The following RABGAP1L variants were observed in gnomAD, a reference collection of about 807,000 sequenced individuals.
RABGAP1L encodes rab GTPase-activating protein 1-like.
A neutral mutation model predicts 137.7 loss-of-function variants in RABGAP1L; 63 were observed. That is an observed-to-expected ratio of 0.46 (90% CI 0.37 to 0.56). The LOEUF (loss-of-function observed/expected upper bound fraction) is 0.56. RABGAP1L is among the 20% of genes least tolerant of loss of function. The probability of loss-of-function intolerance (pLI) is 0.00; values close to 1 mark genes in which losing one functional copy is unlikely to be tolerated. For missense variants in RABGAP1L, 1,095 were observed against 1,244.0 expected (o/e 0.88, Z 1.80); for synonymous variants, 431 against 433.7 (o/e 0.99, Z 0.08).
At chr1:174,784,226 A>G (rs552414704) in intron 18 of RABGAP1L, among the ~76,000 whole-genome samples, 9 of 151,500 alleles carry the variant, frequency 5.9e-5, no homozygotes, top group African/African-American at 2.2e-4. Context: ...TCACCGTGTT[A>G]GCCAGGATGG....
At chr1:174,932,670 C>G (rs1379969443) in intron 19 of RABGAP1L, among the ~76,000 whole-genome samples, 1 of 152,078 alleles carries the variant, frequency 6.6e-6, no homozygotes, top group Non-Finnish European at 1.5e-5. Context: ...ATATAAATAT[C>G]CAATTCCTAA....
intron 13 of RABGAP1L, among the ~76,000 whole-genome samples, chr1:174,453,736 G>C (rs1422120990): frequency 6.6e-6 from 1 of 152,188 alleles, no homozygotes; most frequent in Non-Finnish European, 1.5e-5. Context: ...AAAATTGCTA[G>C]AGTAGAGAAA....
chr1:174,498,034 T>A (rs1404200130), intron 13 of RABGAP1L, among the ~76,000 whole-genome samples: 6 of 152,228 alleles, frequency 3.9e-5, no homozygotes, highest in Non-Finnish European at 5.9e-5. Flanking sequence ...TAGAGGCTTA[T>A]TTTAAAACAA....
intron 13 of RABGAP1L, among the ~76,000 whole-genome samples, chr1:174,540,783 T>C (rs1665334564): frequency 6.6e-6 from 1 of 152,342 alleles, no homozygotes. Flanking sequence ...GTGGGTTCTT[T>C]TTTGGTTGCA....
chr1:174,914,322 C>T (rs1013435004), intron 19 of RABGAP1L, among the ~76,000 whole-genome samples: 4 of 152,152 alleles, frequency 2.6e-5, no homozygotes, highest in Admixed American at 6.6e-5. Context: ...ACATCCCTTC[C>T]GTTTTAGGGG....
intron 10 of RABGAP1L, among the ~76,000 whole-genome samples, chr1:174,290,234 C>T (rs1558103694): frequency 6.6e-6 from 1 of 152,198 alleles, no homozygotes; most frequent in Admixed American, 6.5e-5. Flanking sequence ...ATGTGTGGTG[C>T]CATTGCCAAG....
chr1:174,837,945 G>A (rs1438473998), intron 19 of RABGAP1L, among the ~76,000 whole-genome samples: 1 of 152,108 alleles, frequency 6.6e-6, no homozygotes, highest in African/African-American at 2.4e-5. Context: ...TTTCTGCTAG[G>A]TATACTAGTG....
chr1:174,649,502 T>C (rs1675275170), intron 14 of RABGAP1L, among the ~76,000 whole-genome samples: 1 of 152,144 alleles, frequency 6.6e-6, no homozygotes, highest in African/African-American at 2.4e-5. Flanking sequence ...GAAAATTCTT[T>C]TCTTTAAGAA....
At chr1:174,586,881 C>T (rs977610923) in intron 13 of RABGAP1L, among the ~76,000 whole-genome samples, 1 of 152,136 alleles carries the variant, frequency 6.6e-6, no homozygotes, top group Non-Finnish European at 1.5e-5. Flanking sequence ...CAGGTGTGAG[C>T]CACTGTGCCT....
chr1:174,228,144 G>C (rs1215581611), intron 3 of RABGAP1L, among the ~76,000 whole-genome samples: 1 of 151,528 alleles, frequency 6.6e-6, no homozygotes, highest in African/African-American at 2.4e-5. Context: ...TTAAATCCTT[G>C]ATCATATTTA....
intron 13 of RABGAP1L, among the ~76,000 whole-genome samples, chr1:174,609,370 A>C (rs1041797820): frequency 6.6e-6 from 1 of 152,170 alleles, no homozygotes; most frequent in Non-Finnish European, 1.5e-5. Flanking sequence ...TCAGACTTTA[A>C]AATTGTTCTC....
At chr1:174,669,293 G>T (rs1211194526) in intron 14 of RABGAP1L, among the ~76,000 whole-genome samples, 1 of 152,134 alleles carries the variant, frequency 6.6e-6, no homozygotes, top group Non-Finnish European at 1.5e-5. Flanking sequence ...CCGCTTCCCT[G>T]ATTCAGTTAC....
chr1:174,795,944 A>G (rs551567058), intron 18 of RABGAP1L, among the ~76,000 whole-genome samples: 4 of 152,276 alleles, frequency 2.6e-5, no homozygotes, highest in African/African-American at 9.6e-5. Context: ...TGTGCATACT[A>G]CATGTGTTAA....
At chr1:174,719,008 T>G (rs1351852054) in intron 17 of RABGAP1L, among the ~76,000 whole-genome samples, 1 of 151,964 alleles carries the variant, frequency 6.6e-6, no homozygotes, top group East Asian at 1.9e-4. Flanking sequence ...CCTGGATATT[T>G]CTGTATTTTT....
chr1:174,693,716 T>TA (rs1679040621), intron 15 of RABGAP1L, among the ~76,000 whole-genome samples: 2 of 152,214 alleles, frequency 1.3e-5, no homozygotes, highest in Non-Finnish European at 2.9e-5. Flanking sequence ...ATACAATAGA[T>TA]ACAGTAGTGA....
chr1:174,534,606 G>A (rs568458780), intron 13 of RABGAP1L, among the ~76,000 whole-genome samples: 35 of 151,358 alleles, frequency 2.3e-4, no homozygotes, highest in Admixed American at 5.9e-4. Context: ...GTGAAACCCC[G>A]TCTCTACTAA....
Position 174,595,962 on chromosome 1 carries a change from C to T in RABGAP1L, c.1711-41413C>T, listed in dbSNP as rs539984982. On this transcript the variant is annotated intron_variant, in intron 13 of 25. Transcript: ENST00000681986. Reference sequence around the variant, plus strand: ...GGCGCCCCTCCCCCAGCCTCGTTGCCGCCTTGCAGTTTGATCTCAGACTGC... The same window carrying T: ...GGCGCCCCTCCCCCAGCCTCGTTGCTGCCTTGCAGTTTGATCTCAGACTGC... 6.2e-4 allele frequency among the ~76,000 whole-genome samples: 63 copies of T among 102,392 alleles called. 7 individuals are homozygous for T. Among genetic ancestry groups the T allele is most frequent in the Admixed American group, 4.4e-3 (47 of 10,616 alleles). 67.2% of individuals were successfully genotyped at this position (102,392 alleles called of 152,430 possible). A position where few individuals can be genotyped will look rare whatever the true frequency, so the allele number is the denominator to read the frequency against.
Position 174,658,917 on chromosome 1 carries a change from G to C in RABGAP1L, c.1824+21429G>C, listed in dbSNP as rs185739949. 4.1e-3 allele frequency among the ~76,000 whole-genome samples: 627 copies of C among 152,148 alleles called. 3 individuals are homozygous for C. Among genetic ancestry groups the C allele is most frequent in the Middle Eastern group, 0.014 (4 of 294 alleles). ...GAATGGAAGGAAGGTACACAAAACT[G>C]GTAAACAAATTGATTTTTGTTTTAG... On this transcript the variant is annotated intron_variant, in intron 14 of 25. Transcript: ENST00000681986.
chr1:174,510,071 G>C (rs1399218649), intron 13 of RABGAP1L, among the ~76,000 whole-genome samples: 1 of 152,134 alleles, frequency 6.6e-6, no homozygotes, highest in Non-Finnish European at 1.5e-5. Flanking sequence ...AACTGGACTG[G>C]TAATGCCATT....
Sources: allele counts gnomAD v4.1 joint callset (sites outside exome capture counted in the v4.1 genomes callset), GRCh38; gene constraint gnomAD v4.1.1; transcripts MANE v1.5; gene names NCBI Gene and HGNC (gene_info 2026-07-23, HGNC 2026-07-21).